The following PDE5A variants were observed in gnomAD, a reference collection of about 807,000 sequenced individuals.
PDE5A encodes phosphodiesterase 5A.
PDE5A carries 67 observed loss-of-function variants against 110.2 expected under a neutral mutation model. The observed-to-expected ratio is 0.61, with a 90% CI of 0.50 to 0.75. The LOEUF (loss-of-function observed/expected upper bound fraction) is 0.75, where lower values mean the gene tolerates loss of function less well. PDE5A is among the 30% of genes least tolerant of loss of function. The pLI is 0.00. For missense variants in PDE5A, 862 were observed against 1,045.1 expected, an observed-to-expected ratio of 0.82 and a Z score of 2.42; for synonymous variants, 328 against 351.2, an observed-to-expected ratio of 0.93 and a Z score of 0.74.
chr4:119,534,420 T>C (rs1726657828), intron 11 of PDE5A, among the ~76,000 whole-genome samples: 1 of 152,042 alleles, frequency 6.6e-6, no homozygotes, highest in African/African-American at 2.4e-5. Flanking sequence ...GGTTGCATGC[T>C]CCTTATGAGA....
At chr4:119,562,176 T>C (rs911748685) in intron 6 of PDE5A, among the ~76,000 whole-genome samples, 4 of 152,238 alleles carry the variant, frequency 2.6e-5, no homozygotes, top group Non-Finnish European at 4.4e-5. Context: ...GCCCTGATTC[T>C]ACTGGCAAAC....
chr4:119,556,749 AAGGT>A (rs1727554418), intron 7 of PDE5A, among the ~76,000 whole-genome samples: 1 of 152,202 alleles, frequency 6.6e-6, no homozygotes, highest in African/African-American at 2.4e-5. Flanking sequence ...TCAGGAATGA[AAGGT>A]AGAGTATTCC....
At chr4:119,515,322 G>A (rs1250509815) in intron 14 of PDE5A, among the ~76,000 whole-genome samples, 2 of 152,050 alleles carry the variant, frequency 1.3e-5, no homozygotes, top group South Asian at 2.1e-4. Flanking sequence ...TATTCCCACT[G>A]TGCCAGACCA....
In PDE5A at chr4:119,507,737, C is replaced by A. The variant is rs773332973; in HGVS notation, c.2089-33G>T. 1.8e-5 allele frequency: 24 copies of A among 1,370,546 alleles called. No individual in the cohort carries two copies. In the Admixed American group the frequency reaches 5.0e-4, roughly 29 times the overall value. 84.9% of individuals were successfully genotyped at this position (1,370,546 alleles called of 1,614,324 possible). On this transcript the variant is annotated intron_variant, in intron 15 of 20. Transcript: ENST00000354960. ...AAAAAAGAAAACCAGTATTAACATC[C>A]TGGAGAAGCTGCTGACAAGAACAAA...
intron 11 of PDE5A, among the ~76,000 whole-genome samples, chr4:119,529,971 A>T (rs558226693): frequency 6.6e-6 from 1 of 152,230 alleles, no homozygotes; most frequent in East Asian, 1.9e-4. Context: ...CCCAACACAG[A>T]CCTACTGAAT....
In PDE5A at chr4:119,560,276, T is replaced by C. The variant is rs34308924; in HGVS notation, c.1199+20A>G. The C allele has an allele frequency of 0.27, 387,846 of 1,417,622 alleles. 54,337 individuals carry two copies. The highest frequency in any genetic ancestry group is 0.35 in the East Asian group (14,630 of 42,274). 87.8% of individuals were successfully genotyped at this position (1,417,622 alleles called of 1,614,324 possible). On this transcript the variant is annotated intron_variant, in intron 7 of 20. Coordinates refer to ENST00000354960, the MANE Select transcript of PDE5A (RefSeq NM_001083.4). ...TATTATATCATGTGATAAAGACAAG[T>C]AGAGAATACGTGCTTTTACCTTGTT...
chr4:119,531,075 T>C (rs1726516801), intron 11 of PDE5A, among the ~76,000 whole-genome samples: 1 of 152,132 alleles, frequency 6.6e-6, no homozygotes, highest in African/African-American at 2.4e-5. Context: ...ACCAAAAAGT[T>C]TTCCAATTTT....
At chr4:119,520,397 C>CAA (rs1390597730) in intron 13 of PDE5A, among the ~76,000 whole-genome samples, 1 of 152,044 alleles carries the variant, frequency 6.6e-6, no homozygotes, top group Non-Finnish European at 1.5e-5. Context: ...ATTACTTGAA[C>CAA]GTTTTCTGCA....
intron 18 of PDE5A, 27 bp downstream of exon 18, chr4:119,504,506 AATT>A (rs1293489504): frequency 2.6e-6 from 4 of 1,561,082 alleles, no homozygotes; most frequent in African/African-American, 1.4e-5. Flanking sequence ...TTGACTTTTT[AATT>A]ATTGTTATTG....
chr4:119,553,216 G>T (rs1727419416), intron 8 of PDE5A, among the ~76,000 whole-genome samples: 1 of 152,030 alleles, frequency 6.6e-6, no homozygotes, highest in African/African-American at 2.4e-5. Context: ...GATATTTGTA[G>T]CTTTGAGGTC....
At chr4:119,626,148 C>T (rs908791148) in intron 1 of PDE5A, among the ~76,000 whole-genome samples, 6 of 152,066 alleles carry the variant, frequency 3.9e-5, no homozygotes, top group African/African-American at 1.4e-4. Context: ...AAACTCTAAC[C>T]GAAAATTTTT....
In PDE5A at chr4:119,552,614, G is replaced by T; in HGVS notation, c.1332C>A (p.Asn444Lys). The T allele has an allele frequency of 6.5e-7, 1 of 1,539,244 alleles. No homozygotes were observed. The highest frequency in any genetic ancestry group is 8.8e-7 in the Non-Finnish European group (1 of 1,142,738). Residue 444 changes from asparagine (N) to lysine (K), a missense_variant, in exon 9 of 21, where the codon AAC becomes AAA. Asn to Lys is a moderately conservative substitution (Grantham distance 94, BLOSUM62 0). Transcript: ENST00000354960. The stretch of plus-strand genomic sequence containing the variant: ...AAAGCAAACTTCTAATGCACTGCTG[G>T]TTTACATTTCCTGTATTTTCAGTCT... ...PWTTENTGNV[N>K]QQCIRSLLCT...
In PDE5A at chr4:119,585,126, T is replaced by A. The variant is rs191990789; in HGVS notation, c.831+11397A>T. 4.0e-3 allele frequency among the ~76,000 whole-genome samples: 614 copies of A among 152,042 alleles called. 12 individuals carry two copies. The East Asian group carries it at 0.047, about 12-fold the overall frequency. On this transcript the variant is annotated intron_variant, in intron 3 of 20. Coordinates refer to ENST00000354960, the MANE Select transcript of PDE5A (RefSeq NM_001083.4). ...CCATCTCTACTAAAAATACAAAAAA[T>A]TAGCCAGGTGTGGTGGTGGGCACCT... is the stretch of plus-strand genomic sequence containing the variant.
chr4:119,524,182 C>T (rs1210789154), intron 12 of PDE5A, among the ~76,000 whole-genome samples: 1 of 152,028 alleles, frequency 6.6e-6, no homozygotes, highest in Non-Finnish European at 1.5e-5. Context: ...GAGAATAATA[C>T]CATTACCCCT....
At chr4:119,620,808 C>T (rs999645289) in intron 1 of PDE5A, among the ~76,000 whole-genome samples, 9 of 152,034 alleles carry the variant, frequency 5.9e-5, no homozygotes, top group East Asian at 1.9e-4. Context: ...AAATAAAAGA[C>T]GTAAATTTAA....
intron 6 of PDE5A, among the ~76,000 whole-genome samples, chr4:119,561,196 T>C (rs1344889065): frequency 7.9e-5 from 12 of 151,452 alleles, no homozygotes; most frequent in Admixed American, 7.9e-4. Flanking sequence ...ATGCCCATGC[T>C]CTATTTATAC....
rs1347225539 is a variant in PDE5A, at chr4:119,586,842, C to T, written c.831+9681G>A. On this transcript the variant is annotated intron_variant, in intron 3 of 20. Coordinates refer to ENST00000354960, the MANE Select transcript of PDE5A (RefSeq NM_001083.4). ...AATAAAATATAGCACTCAGTATGAACCAAATTTTCTTATCATTAAAAATAG... is the reference window on the plus strand; with the variant it reads ...AATAAAATATAGCACTCAGTATGAATCAAATTTTCTTATCATTAAAAATAG... 2.6e-5 allele frequency among the ~76,000 whole-genome samples: 4 copies of T among 152,072 alleles called. No homozygotes were observed. The East Asian group carries it at 5.8e-4, about 22-fold the overall frequency.
intron 2 of PDE5A, among the ~76,000 whole-genome samples, chr4:119,600,184 GTA>G (rs139276471): frequency 1.3e-5 from 2 of 148,962 alleles, no homozygotes; most frequent in African/African-American, 2.5e-5. Flanking sequence ...GAGCACATGA[GTA>G]TATATATATA....
chr4:119,598,697 AT>A (rs1183823356), intron 2 of PDE5A, among the ~76,000 whole-genome samples: 1 of 152,324 alleles, frequency 6.6e-6, no homozygotes, highest in Middle Eastern at 3.4e-3. Flanking sequence ...GCCATTCAAC[AT>A]TCTGGCTTTC....
Sources: gnomAD v4.1 joint callset for allele counts (sites outside exome capture counted in the v4.1 genomes callset) on GRCh38, gnomAD v4.1.1 for gene constraint, MANE v1.5 for transcripts, NCBI Gene and HGNC (gene_info 2026-07-23, HGNC 2026-07-21) for gene names.